The following KCNG2 variants were observed in gnomAD, a reference collection of about 807,000 sequenced individuals.
The protein encoded by KCNG2 is potassium voltage-gated channel modifier subfamily G member 2, also known as voltage-gated potassium channel regulatory subunit KCNG2.
In KCNG2, 7 loss-of-function variants were observed where a neutral mutation model predicts 12.3. The ratio of observed to expected loss-of-function variants is 0.57; its 90% confidence interval spans 0.32 to 1.07. The LOEUF (loss-of-function observed/expected upper bound fraction) is 1.07. Ranked by LOEUF, KCNG2 falls within the 50% of genes least tolerant of loss-of-function variation. The pLI is 0.04. For synonymous variants in KCNG2, 414 were observed against 351.4 expected (o/e 1.18, Z -1.99); for missense variants, 703 against 726.0 (o/e 0.97, Z 0.36).
At chr18:79,873,425 C>CT (rs1979935118) in intron 3 of KCNG2, among the ~76,000 whole-genome samples, 1 of 133,522 alleles carries the variant, frequency 7.5e-6, no homozygotes, top group Non-Finnish European at 1.7e-5. Flanking sequence ...GCCGGCCCCC[C>CT]TCCCCCCCCC....
At chr18:79,897,129 T>A (rs1440951245) in intron 3 of KCNG2, among the ~76,000 whole-genome samples, 1 of 44,616 alleles carries the variant, frequency 2.2e-5, no homozygotes, top group Non-Finnish European at 1.4e-4. Flanking sequence ...TTTAAAAAAT[T>A]GTTTTTTTTT....
At chr18:79,836,335 G>A (rs894808636) in intron 1 of KCNG2, among the ~76,000 whole-genome samples, 1 of 152,216 alleles carries the variant, frequency 6.6e-6, no homozygotes, top group African/African-American at 2.4e-5. Flanking sequence ...CAATTCTAAT[G>A]TATATGCACA....
intron 1 of KCNG2, among the ~76,000 whole-genome samples, chr18:79,848,980 A>G (rs1431606702): frequency 6.6e-6 from 1 of 152,156 alleles, no homozygotes; most frequent in Non-Finnish European, 1.5e-5. Flanking sequence ...TTGTTGAATC[A>G]ACAAAGTAAA....
rs1032539114 is a variant in KCNG2 at position 79,884,741 on chromosome 18, C to T, written c.625-14299C>T. Reference sequence around the variant, plus strand: ...GATGGGGAGCCACGGGGGCAGGGGTCCGCCCGGCTCTGTGTTCCTCGGGGG... The same window carrying T: ...GATGGGGAGCCACGGGGGCAGGGGTTCGCCCGGCTCTGTGTTCCTCGGGGG... On this transcript the variant is annotated intron_variant, in intron 3 of 3. Coordinates refer to ENST00000316249, the MANE Select transcript of KCNG2 (RefSeq NM_012283.2). The surrounding 1 kb of genome is among the most constrained non-coding windows in gnomAD (Gnocchi z 5.5). Among the ~76,000 whole-genome samples the T allele has an allele frequency of 6.6e-6, 1 of 152,196 alleles. No homozygotes were observed. Among genetic ancestry groups the T allele is most frequent in the Non-Finnish European group, 1.5e-5 (1 of 68,034 alleles).
chr18:79,820,135 C>T (rs1262423951), intron 1 of KCNG2, among the ~76,000 whole-genome samples: 2 of 152,260 alleles, frequency 1.3e-5, no homozygotes, highest in African/African-American at 2.4e-5. Context: ...GTTGGCGACA[C>T]GTGGGCTGTC....
intron 3 of KCNG2, chr18:79,876,176 C>T (rs66577990): frequency 0.13 from 20,019 of 152,358 alleles, 1,610 homozygotes; most frequent in East Asian, 0.36. Flanking sequence ...CGCCTGGTGC[C>T]GCTGCCATCA....
intron 1 of KCNG2, among the ~76,000 whole-genome samples, chr18:79,854,956 G>A (rs1978959577): frequency 1.3e-5 from 2 of 152,024 alleles, no homozygotes; most frequent in Admixed American, 1.3e-4. Flanking sequence ...ATCTTTCTAC[G>A]GTCAATCTTG....
At chr18:79,866,685 G>GGTGCTGAGAGGTCTGT (rs1979578322) in intron 3 of KCNG2, among the ~76,000 whole-genome samples, 1 of 95,718 alleles carries the variant, frequency 1.0e-5, no homozygotes, top group Non-Finnish European at 2.1e-5. Flanking sequence ...GAGAGGTCTG[G>GGTGCTGAGAGGTCTGT]GTGCTGAGAG....
intron 1 of KCNG2, among the ~76,000 whole-genome samples, chr18:79,852,764 A>G (rs1978870865): frequency 6.6e-6 from 1 of 152,250 alleles, no homozygotes. Flanking sequence ...TCAGGGGCGG[A>G]GCCGTAATTA....
chr18:79,884,477 C>A lies in KCNG2; in HGVS notation c.625-14563C>A, dbSNP rs1980443495. On this transcript the variant is annotated intron_variant, in intron 3 of 3. Coordinates refer to ENST00000316249, the MANE Select transcript of KCNG2 (RefSeq NM_012283.2). The surrounding 1 kb of genome is among the most constrained non-coding windows in gnomAD (Gnocchi z 5.5). ...CCTTGGTTCCCCCAGTGGGATGGAG[C>A]CCCGGCCACTGGGTCCCCGGGGGAG... 6.6e-6 allele frequency among the ~76,000 whole-genome samples: 1 copy of A among 152,220 alleles called. No homozygotes were observed. The highest frequency in any genetic ancestry group is 1.5e-5 in the Non-Finnish European group (1 of 68,040).
chr18:79,845,504 A>G (rs1239886172), intron 1 of KCNG2, among the ~76,000 whole-genome samples: 2 of 152,176 alleles, frequency 1.3e-5, no homozygotes, highest in African/African-American at 4.8e-5. Context: ...AACTTTTTGG[A>G]GCAATTATAT....
intron 1 of KCNG2, among the ~76,000 whole-genome samples, chr18:79,823,859 T>C (rs2123009288): frequency 6.6e-6 from 1 of 152,354 alleles, no homozygotes; most frequent in African/African-American, 2.4e-5. Flanking sequence ...GCGCCAAGTC[T>C]CCTGTCCAGG....
intron 1 of KCNG2, among the ~76,000 whole-genome samples, chr18:79,847,850 GAC>G (rs1978676837): frequency 6.6e-6 from 1 of 152,206 alleles, no homozygotes; most frequent in African/African-American, 2.4e-5. Context: ...GGATGGTGGT[GAC>G]ACAATGCCCG....
At chr18:79,857,064 G>GCCCCCCACAGCCACC (rs147399550) in intron 2 of KCNG2, among the ~76,000 whole-genome samples, 1 of 55,232 alleles carries the variant, frequency 1.8e-5, no homozygotes, top group Non-Finnish European at 4.0e-5. Flanking sequence ...CCCCACAGCC[G>GCCCCCCACAGCCACC]CCCCCACAGC....
At chr18:79,876,998 G>A (rs1166732023) in intron 3 of KCNG2, among the ~76,000 whole-genome samples, 3 of 152,206 alleles carry the variant, frequency 2.0e-5, no homozygotes, top group East Asian at 1.9e-4. Context: ...GCAGGAAATC[G>A]AACTGACACG....
chr18:79,810,880 A>C (rs570901410), intron 1 of KCNG2, among the ~76,000 whole-genome samples: 7 of 152,374 alleles, frequency 4.6e-5, no homozygotes, highest in Non-Finnish European at 1.5e-5. Flanking sequence ...TCTCAAAAAC[A>C]AAAACAAACC....
chr18:79,830,189 C>T (rs565131175), intron 1 of KCNG2, among the ~76,000 whole-genome samples: 3 of 152,162 alleles, frequency 2.0e-5, no homozygotes, highest in African/African-American at 7.2e-5. Context: ...TGTGAGAAGA[C>T]GAATCGTGTC....
intron 1 of KCNG2, among the ~76,000 whole-genome samples, chr18:79,833,880 G>A (rs570628026): frequency 7.9e-5 from 12 of 152,194 alleles, no homozygotes; most frequent in East Asian, 1.9e-4. Flanking sequence ...TGAGTGCGCC[G>A]GGAAGAGAAA....
At chr18:79,888,895 T>A (rs1980649427) in intron 3 of KCNG2, among the ~76,000 whole-genome samples, 1 of 152,064 alleles carries the variant, frequency 6.6e-6, no homozygotes, top group Non-Finnish European at 1.5e-5. Flanking sequence ...CTCAGGCTGG[T>A]CTCGAACTCC....
Sources: allele counts gnomAD v4.1 joint callset (sites outside exome capture counted in the v4.1 genomes callset), GRCh38; gene constraint gnomAD v4.1.1; non-coding constraint Gnocchi (gnomAD v3.1); transcripts MANE v1.5; gene names NCBI Gene and HGNC (gene_info 2026-07-23, HGNC 2026-07-21).